The following CDKAL1 variants were observed in gnomAD, a reference collection of about 807,000 sequenced individuals.
CDKAL1 encodes the protein CDKAL1 threonylcarbamoyladenosine tRNA methylthiotransferase.
In CDKAL1, 32 loss-of-function variants were observed where a neutral mutation model predicts 68.2. The observed-to-expected ratio is 0.47, with a 90% confidence interval of 0.35 to 0.63. The LOEUF (loss-of-function observed/expected upper bound fraction) is 0.63, where lower values mean the gene tolerates loss of function less well. Among genes scored for constraint, CDKAL1 ranks in the 30% least tolerant of loss-of-function variants. The probability of loss-of-function intolerance (pLI) is 0.00; values close to 1 mark genes in which losing one functional copy is unlikely to be tolerated. For synonymous variants in CDKAL1, 234 were observed against 244.3 expected, an observed-to-expected ratio of 0.96 and a Z score of 0.39; for missense variants, 606 against 696.7, an observed-to-expected ratio of 0.87 and a Z score of 1.47.
intron 8 of CDKAL1, among the ~76,000 whole-genome samples, chr6:20,794,583 C>G (rs1380148901): frequency 1.3e-5 from 2 of 152,108 alleles, no homozygotes; most frequent in African/African-American, 4.8e-5. Context: ...TAATACAAAA[C>G]TATTCATAGT....
Position 20,553,465 on chromosome 6 carries a change from C to T in CDKAL1, c.286+4760C>T, listed in dbSNP as rs151279109. Among the ~76,000 whole-genome samples the T allele has an allele frequency of 7.1e-3, 1,073 of 152,158 alleles. 17 individuals carry two copies. The highest frequency in any genetic ancestry group is 0.025 in the African/African-American group (1,021 of 41,518). On this transcript the variant is annotated intron_variant, in intron 4 of 15. Transcript: ENST00000274695. Reference sequence around the variant, plus strand: ...CGGAGGTTGCTGTGAGCTGAGATTGCCCCACTGCATTCCAGCCTGGGTGAC... The same window carrying T: ...CGGAGGTTGCTGTGAGCTGAGATTGTCCCACTGCATTCCAGCCTGGGTGAC...
chr6:20,545,854 T>A (rs1393755519), intron 2 of CDKAL1, among the ~76,000 whole-genome samples: 1 of 152,234 alleles, frequency 6.6e-6, no homozygotes, highest in Admixed American at 6.6e-5. Flanking sequence ...AAAAATAAAA[T>A]TTTTGAATAT....
At chr6:20,612,909 C>T (rs1766681782) in intron 4 of CDKAL1, among the ~76,000 whole-genome samples, 2 of 151,366 alleles carry the variant, frequency 1.3e-5, no homozygotes, top group African/African-American at 4.9e-5. Context: ...AACCAAAACC[C>T]ATACAGTAAG....
In CDKAL1 at chr6:20,580,604, A is replaced by G. The variant is rs559517060; in HGVS notation, c.286+31899A>G. 1.2e-4 allele frequency among the ~76,000 whole-genome samples: 19 copies of G among 152,180 alleles called. 1 individual carries two copies. In the South Asian group the frequency reaches 2.7e-3, roughly 22 times the overall value. On this transcript the variant is annotated intron_variant, in intron 4 of 15. Transcript: ENST00000274695. The stretch of plus-strand genomic sequence containing the variant: ...CTTTTTACTTCTGTTTGGTCTTTCA[A>G]TATAAAGTTCCTTTATTTTTAATTA...
At chr6:20,609,249 T>TCTTC (rs1561962815) in intron 4 of CDKAL1, among the ~76,000 whole-genome samples, 75 of 111,968 alleles carry the variant, frequency 6.7e-4, no homozygotes, top group Non-Finnish European at 1.6e-4. Context: ...CCTTCCTTCT[T>TCTTC]CTTCCTCCTT....
At position 20,632,412 on chromosome 6, in the gene CDKAL1, G is replaced by A. The variant is rs114688869; in HGVS notation, c.287-16881G>A. ...GAATGTATATTACTTTTGCACCATT[G>A]TAAGGTTGAAAAATTATAAGTCGAA... On this transcript the variant is annotated intron_variant, in intron 4 of 15. Coordinates refer to ENST00000274695, the MANE Select transcript of CDKAL1 (RefSeq NM_017774.3). Among the ~76,000 whole-genome samples, 477 of 152,326 alleles carry A rather than the reference G, an allele frequency of 3.1e-3. 5 individuals carry two copies. The highest frequency in any genetic ancestry group is 0.011 in the African/African-American group (448 of 41,572).
At chr6:21,081,180 C>T (rs1426887473) in intron 12 of CDKAL1, among the ~76,000 whole-genome samples, 1 of 152,108 alleles carries the variant, frequency 6.6e-6, no homozygotes, top group African/African-American at 2.4e-5. Context: ...TATCCTGCTT[C>T]TTTTACGAAT....
intron 8 of CDKAL1, among the ~76,000 whole-genome samples, chr6:20,838,513 A>C (rs1461816609): frequency 2.0e-5 from 3 of 152,224 alleles, no homozygotes; most frequent in Non-Finnish European, 4.4e-5. Flanking sequence ...GGTGGAACAA[A>C]AGAAAATTTT....
chr6:20,559,427 A>G (rs1561925223), intron 4 of CDKAL1: 1 of 152,190 alleles, frequency 6.6e-6, no homozygotes, highest in Non-Finnish European at 1.5e-5. Flanking sequence ...CAATTAAAGT[A>G]TTTTGATAAT....
Position 20,780,650 on chromosome 6 carries a change from G to GT in CDKAL1, c.518-487dup, listed in dbSNP as rs1353234897. Among the ~76,000 whole-genome samples the GT allele has an allele frequency of 2.8e-3, 403 of 141,838 alleles. 2 individuals are homozygous for GT. The highest frequency in any genetic ancestry group is 5.8e-3 in the African/African-American group (216 of 37,364). The allele number at this position is 141,838 out of a possible 152,430, so 93.1% of individuals were successfully genotyped here. Reference sequence around the variant, plus strand: ...GGCCCTGAATACAGCTGTTTTTCTTGTTTTTTTTCATTTCTTTTTCTTTTT... The same window carrying GT: ...GGCCCTGAATACAGCTGTTTTTCTTGTTTTTTTTTCATTTCTTTTTCTTTTT... On this transcript the variant is annotated intron_variant, in intron 7 of 15. Transcript: ENST00000274695.
intron 4 of CDKAL1, among the ~76,000 whole-genome samples, chr6:20,596,168 C>T (rs1765814106): frequency 6.6e-6 from 1 of 152,176 alleles, no homozygotes; most frequent in South Asian, 2.1e-4. Flanking sequence ...GCAGTCCTGT[C>T]CCTTAGCAGA....
intron 9 of CDKAL1, among the ~76,000 whole-genome samples, chr6:20,909,400 A>G (rs928678875): frequency 9.2e-5 from 14 of 152,310 alleles, no homozygotes; most frequent in African/African-American, 3.1e-4. Context: ...TTTCGAATTA[A>G]TCCAGTGAGT....
intron 5 of CDKAL1, among the ~76,000 whole-genome samples, chr6:20,658,616 G>A (rs894213140): frequency 5.9e-4 from 89 of 150,646 alleles, no homozygotes; most frequent in African/African-American, 2.0e-3. Context: ...TTGAAGTTGG[G>A]GGAGGTACCA....
intron 9 of CDKAL1, among the ~76,000 whole-genome samples, chr6:20,846,887 C>G (rs1405751946): frequency 1.3e-5 from 2 of 152,162 alleles, no homozygotes; most frequent in Non-Finnish European, 2.9e-5. Flanking sequence ...GTGCCTGTAA[C>G]AGTGGTGTGT....
At chr6:21,041,526 A>G (rs1769923037) in intron 11 of CDKAL1, among the ~76,000 whole-genome samples, 1 of 152,140 alleles carries the variant, frequency 6.6e-6, no homozygotes, top group Non-Finnish European at 1.5e-5. Context: ...CCAAATTTTC[A>G]ATGTAATAAA....
intron 5 of CDKAL1, among the ~76,000 whole-genome samples, chr6:20,658,319 G>A (rs1769123819): frequency 6.6e-6 from 1 of 152,146 alleles, no homozygotes. Context: ...GGAGTCACTT[G>A]TTTTTAACTG....
intron 11 of CDKAL1, among the ~76,000 whole-genome samples, chr6:21,040,728 A>G (rs1313001978): frequency 1.3e-5 from 2 of 152,188 alleles, no homozygotes; most frequent in Non-Finnish European, 2.9e-5. Context: ...CCAAATACTT[A>G]TACTAAGAAT....
intron 5 of CDKAL1, among the ~76,000 whole-genome samples, chr6:20,716,530 G>A (rs1257465806): frequency 6.8e-6 from 1 of 147,308 alleles, no homozygotes; most frequent in Non-Finnish European, 1.5e-5. Flanking sequence ...GGTAGATTGT[G>A]CAAATGAAAA....
intron 5 of CDKAL1, among the ~76,000 whole-genome samples, chr6:20,684,683 G>A (rs982053993): frequency 6.6e-6 from 1 of 151,896 alleles, no homozygotes; most frequent in South Asian, 2.1e-4. Context: ...CCAACATTTG[G>A]TGTTAGCAGT....
Sources: allele counts gnomAD v4.1 joint callset (sites outside exome capture counted in the v4.1 genomes callset), GRCh38; gene constraint gnomAD v4.1.1; transcripts MANE v1.5; gene names NCBI Gene and HGNC (gene_info 2026-07-23, HGNC 2026-07-21).